Variants in MARK1 observed in about 807,000 individuals in gnomAD.
MARK1 encodes serine/threonine-protein kinase MARK1.
In MARK1, 40 loss-of-function variants were observed where a neutral mutation model predicts 96.3. The ratio of observed to expected loss-of-function variants is 0.42; its 90% CI spans 0.32 to 0.54. The LOEUF (loss-of-function observed/expected upper bound fraction) is 0.54, where lower values mean the gene tolerates loss of function less well. MARK1 is among the 20% of genes least tolerant of loss of function. The probability of loss-of-function intolerance (pLI) is 0.16; values close to 1 mark genes in which losing one functional copy is unlikely to be tolerated. For missense variants in MARK1, 719 were observed against 984.6 expected (o/e 0.73, Z 3.61); for synonymous variants, 317 against 341.2 (o/e 0.93, Z 0.78).
At chr1:220,608,820 A>G (rs1666251528) in intron 6 of MARK1, among the ~76,000 whole-genome samples, 1 of 152,208 alleles carries the variant, frequency 6.6e-6, no homozygotes, top group Non-Finnish European at 1.5e-5. Context: ...TTCACCCAAT[A>G]GTCATTCAGG....
chr1:220,595,582 G>T (rs1041400263), intron 3 of MARK1, among the ~76,000 whole-genome samples: 26 of 152,210 alleles, frequency 1.7e-4, no homozygotes, highest in Non-Finnish European at 2.9e-5. Flanking sequence ...ATGAGATAAG[G>T]CTAGAGAGGT....
Position 220,632,299 on chromosome 1 carries a change from A to G in MARK1, c.1108A>G (p.Arg370Gly), listed in dbSNP as rs1667721260. 1.3e-6 allele frequency: 2 copies of G among 1,504,142 alleles called. No individual in the cohort carries two copies. The highest frequency in any genetic ancestry group is 9.0e-7 in the Non-Finnish European group (1 of 1,116,044). The allele number at this position is 1,504,142 out of a possible 1,614,324, so 93.2% of individuals were successfully genotyped here. A position where few individuals can be genotyped will look rare whatever the true frequency, so the allele number is the denominator to read the frequency against. Reference sequence around the variant, plus strand: ...TATGGCTACTTATATTCTTCTAGGTAGAAAACCACCTGAAGTAAGTTTTTC... The same window carrying G: ...TATGGCTACTTATATTCTTCTAGGTGGAAAACCACCTGAAGTAAGTTTTTC... The part of the protein sequence containing the change: ...EVMATYILLG[R>G]KPPEFEGGES... The change falls in exon 11 of 18, where the codon AGA becomes GGA. Residue 370 changes from arginine to glycine, a missense_variant. Coordinates refer to ENST00000366917, the MANE Select transcript of MARK1 (RefSeq NM_018650.5).
intron 5 of MARK1, among the ~76,000 whole-genome samples, chr1:220,600,768 T>C (rs1665682874): frequency 6.6e-6 from 1 of 152,240 alleles, no homozygotes; most frequent in Non-Finnish European, 1.5e-5. Flanking sequence ...ATTGAGCTCT[T>C]TTAGTTAATG....
chr1:220,577,568 C>A (rs1451271991), intron 1 of MARK1, among the ~76,000 whole-genome samples: 1 of 152,146 alleles, frequency 6.6e-6, no homozygotes, highest in Non-Finnish European at 1.5e-5. Context: ...GACCCTACCC[C>A]CAGAGTTTCA....
chr1:220,620,846 G>C (rs2102977572), intron 9 of MARK1, among the ~76,000 whole-genome samples: 1 of 152,110 alleles, frequency 6.6e-6, no homozygotes, highest in Non-Finnish European at 1.5e-5. Context: ...CTATACAAAG[G>C]CTGATTTGCT....
At chr1:220,571,990 G>C (rs1275526889) in intron 1 of MARK1, 2 of 152,202 alleles carry the variant, frequency 1.3e-5, no homozygotes, top group Non-Finnish European at 2.9e-5. Context: ...CCTCCCACCA[G>C]CCTCTTGAGT....
chr1:220,658,363 C>T (rs982937590), intron 17 of MARK1, among the ~76,000 whole-genome samples: 1 of 152,132 alleles, frequency 6.6e-6, no homozygotes, highest in African/African-American at 2.4e-5. Flanking sequence ...TGAGCACAAT[C>T]AGAATTACAG....
In MARK1 at chr1:220,635,854, C is replaced by A; in HGVS notation, c.1298C>A (p.Ala433Asp). The A allele has an allele frequency of 1.2e-6, 2 of 1,605,826 alleles. No individual in the cohort carries two copies. Among genetic ancestry groups the A allele is most frequent in the South Asian group, 2.2e-5 (2 of 89,018 alleles). Residue 433 changes from alanine (A) to aspartate (D), a missense_variant, in exon 13 of 18, where the codon GCT (alanine) becomes GAT (aspartate). This residue lies in a region of MARK1 where 501 missense variants were observed against 588.3 expected (regional missense o/e 0.85). Coordinates refer to ENST00000366917, the MANE Select transcript of MARK1 (RefSeq NM_018650.5). ...ATAGCTGGTCCATCCATTCCTCCTG[C>A]TGTATCATATACCAAAAGACCTCAG... ...SDHAGPSIPP[A>D]VSYTKRPQAN...
At chr1:220,604,183 A>G in intron 6 of MARK1, 46 bp downstream of exon 6, 1 of 1,257,308 alleles carries the variant, frequency 8.0e-7, no homozygotes, top group African/African-American at 1.5e-5. Flanking sequence ...AATTGTAGCG[A>G]TGTACAATGG....
intron 6 of MARK1, 59 bp downstream of exon 6, chr1:220,604,196 A>T: frequency 9.3e-7 from 1 of 1,079,110 alleles, no homozygotes. Flanking sequence ...TACAATGGAC[A>T]GTATTACAAA....
At chr1:220,590,488 G>A (rs557975351) in intron 3 of MARK1, among the ~76,000 whole-genome samples, 1 of 152,036 alleles carries the variant, frequency 6.6e-6, no homozygotes, top group African/African-American at 2.4e-5. Context: ...TATTGGATTG[G>A]AACCCCACTC....
At chr1:220,640,127 T>C (rs1359053505) in intron 13 of MARK1, among the ~76,000 whole-genome samples, 1 of 152,204 alleles carries the variant, frequency 6.6e-6, no homozygotes, top group Non-Finnish European at 1.5e-5. Flanking sequence ...AGCCCTGTAA[T>C]AGTGTAAAAT....
At position 220,635,948 on chromosome 1, in the gene MARK1, A is replaced by G. The variant is rs776815992; in HGVS notation, c.1392A>G (p.Thr464=). 2 of 1,613,994 alleles carry G rather than the reference A, an allele frequency of 1.2e-6. No individual in the cohort carries two copies. Among genetic ancestry groups the G allele is most frequent in the Admixed American group, 1.7e-5 (1 of 59,958 alleles). Residue 464 remains threonine (T), a synonymous_variant, in exon 13 of 18, where the codon ACA becomes ACG. Transcript: ENST00000366917. ...ATGTGGCTCGAAAACTTGGCAGCACAACAGTTGGATCAAAAAGCGAGATGA... is the reference window on the plus strand; with the variant it reads ...ATGTGGCTCGAAAACTTGGCAGCACGACAGTTGGATCAAAAAGCGAGATGA... ...DKDVARKLGS[T]TVGSKSEMTA...
chr1:220,652,892 T>G (rs552227601), intron 15 of MARK1, among the ~76,000 whole-genome samples: 34 of 152,326 alleles, frequency 2.2e-4, no homozygotes, highest in African/African-American at 7.7e-4. Flanking sequence ...TGTCCCTGTT[T>G]CAGTCATTTC....
At chr1:220,589,129 A>G (rs1246735446) in intron 3 of MARK1, among the ~76,000 whole-genome samples, 1 of 152,116 alleles carries the variant, frequency 6.6e-6, no homozygotes, top group Admixed American at 6.5e-5. Context: ...CTGCCTCAAG[A>G]TCAAGCAAGC....
At chr1:220,528,905 G>A (rs1288689495) in intron 1 of MARK1, 32 bp downstream of exon 1, 1 of 1,543,380 alleles carries the variant, frequency 6.5e-7, no homozygotes, top group Non-Finnish European at 8.7e-7. Context: ...CGGGAGCAGT[G>A]GGGGCGAGAC....
Position 220,528,784 on chromosome 1 carries a change from G to T in MARK1, c.-39G>T. On this transcript the variant is annotated 5_prime_UTR_variant, in exon 1 of 18. Coordinates refer to ENST00000366917, the MANE Select transcript of MARK1 (RefSeq NM_018650.5). ...CCCCCGGGGCCCGCACCACAGCCCG[G>T]CCGGCGAGACCCCGGCCAGACCCCG... is the stretch of plus-strand genomic sequence containing the variant. 6.5e-7 allele frequency: 1 copy of T among 1,542,408 alleles called. No homozygotes were observed.
At chr1:220,595,177 C>T (rs1368249528) in intron 3 of MARK1, among the ~76,000 whole-genome samples, 1 of 152,080 alleles carries the variant, frequency 6.6e-6, no homozygotes, top group Non-Finnish European at 1.5e-5. Flanking sequence ...AAAATAAAGT[C>T]TATTATGTTT....
At chr1:220,656,195 C>G (rs1669164719) in intron 16 of MARK1, among the ~76,000 whole-genome samples, 1 of 152,172 alleles carries the variant, frequency 6.6e-6, no homozygotes, top group Admixed American at 6.5e-5. Flanking sequence ...TTCTGTAGCT[C>G]CATCTGCCTC....
Sources: allele counts gnomAD v4.1 joint callset (sites outside exome capture counted in the v4.1 genomes callset), GRCh38; gene constraint gnomAD v4.1.1; regional missense constraint gnomAD v4.1.1; transcripts MANE v1.5; gene names NCBI Gene and HGNC (gene_info 2026-07-23, HGNC 2026-07-21).